The following EDN3 variants were observed in gnomAD, a reference collection of about 807,000 sequenced individuals.
EDN3 encodes endothelin 3, also known as endothelin-3.
In EDN3, 9 loss-of-function variants were observed where a neutral mutation model predicts 21.4. The ratio of observed to expected loss-of-function variants is 0.42; its 90% CI spans 0.25 to 0.73. The LOEUF (loss-of-function observed/expected upper bound fraction) is 0.73. Among genes scored for constraint, EDN3 ranks in the 30% least tolerant of loss-of-function variants. EDN3 has a pLI of 0.26. For missense variants in EDN3, 327 were observed against 309.4 expected (o/e 1.06, Z -0.43); for synonymous variants, 133 against 126.2 (o/e 1.05, Z -0.36).
rs568972376 is a variant in EDN3, at chr20:59,317,709, A to G, written c.366-3308A>G. Among the ~76,000 whole-genome samples the G allele has an allele frequency of 4.6e-5, 7 of 152,314 alleles. No individual in the cohort carries two copies. In the South Asian group the frequency reaches 1.5e-3, roughly 32 times the overall value. Reference sequence around the variant, plus strand: ...TGACACTTACATTGATACCACGTATATAGTGGATGCTGAAGAATGTTGGAG... The same window carrying G: ...TGACACTTACATTGATACCACGTATGTAGTGGATGCTGAAGAATGTTGGAG... On this transcript the variant is annotated intron_variant, in intron 2 of 4. Transcript: ENST00000337938.
At chr20:59,319,753 A>T (rs1480236220) in intron 2 of EDN3, among the ~76,000 whole-genome samples, 7 of 151,576 alleles carry the variant, frequency 4.6e-5, no homozygotes, top group Non-Finnish European at 5.9e-5. Flanking sequence ...GAAAAAAAAG[A>T]AAAAAAGAAA....
chr20:59,321,972 C>T (rs1228152144), intron 3 of EDN3, among the ~76,000 whole-genome samples: 2 of 152,154 alleles, frequency 1.3e-5, no homozygotes, highest in Admixed American at 1.3e-4. Flanking sequence ...GGCAGATTGG[C>T]CCTTTCAAAA....
chr20:59,323,587 G>T, intron 4 of EDN3: 1 of 399,480 alleles, frequency 2.5e-6, no homozygotes, highest in South Asian at 1.3e-4. Flanking sequence ...AAGAATAACA[G>T]AAAGACACGG....
At chr20:59,302,464 C>T (rs1346719007) in intron 2 of EDN3, among the ~76,000 whole-genome samples, 1 of 152,168 alleles carries the variant, frequency 6.6e-6, no homozygotes, top group African/African-American at 2.4e-5. Flanking sequence ...TCAGCCTTCT[C>T]CTGGGGCCAT....
Position 59,324,524 on chromosome 20 carries a change from T to G in EDN3, c.*65T>G, listed in dbSNP as rs555946641. On this transcript the variant is annotated 3_prime_UTR_variant, in exon 5 of 5. Transcript: ENST00000337938. Reference sequence around the variant, plus strand: ...GTCATTGCTCACACACAGTTCAGATTTCCACCTCTTTATAGACAAGAAGTG... The same window carrying G: ...GTCATTGCTCACACACAGTTCAGATGTCCACCTCTTTATAGACAAGAAGTG... 1.6e-5 allele frequency: 26 copies of G among 1,610,192 alleles called. No individual in the cohort carries two copies. Among genetic ancestry groups the G allele is most frequent in the Non-Finnish European group, 2.2e-5 (26 of 1,177,330 alleles).
rs1169227855 is a variant in EDN3, at chr20:59,325,990, T to G, written c.*1531T>G. The G allele has an allele frequency of 6.6e-6, 1 of 152,220 alleles. No individual in the cohort carries two copies. Among genetic ancestry groups the G allele is most frequent in the Non-Finnish European group, 1.5e-5 (1 of 68,042 alleles). 9.4% of individuals were successfully genotyped at this position (152,220 alleles called of 1,614,324 possible). ...CTAATAAAAAACCTAAAGTTTGCTCTGATTTGTGGGTTTTTTTCCTCACTG... is the reference window on the plus strand; with the variant it reads ...CTAATAAAAAACCTAAAGTTTGCTCGGATTTGTGGGTTTTTTTCCTCACTG... On this transcript the variant is annotated 3_prime_UTR_variant, in exon 5 of 5. Coordinates refer to ENST00000337938, the MANE Select transcript of EDN3 (RefSeq NM_207034.3).
At chr20:59,306,595 T>TAAAAAA (rs57144708) in intron 2 of EDN3, among the ~76,000 whole-genome samples, 24 of 62,448 alleles carry the variant, frequency 3.8e-4, no homozygotes, top group African/African-American at 1.2e-3. Context: ...GCATAAAGAG[T>TAAAAAA]AAAAAAAAAA....
chr20:59,320,283 G>A (rs1014435000), intron 2 of EDN3, among the ~76,000 whole-genome samples: 2 of 152,218 alleles, frequency 1.3e-5, no homozygotes, highest in Non-Finnish European at 2.9e-5. Context: ...TTCAAAGGCC[G>A]GGATGCATCT....
intron 2 of EDN3, among the ~76,000 whole-genome samples, chr20:59,314,176 G>A (rs1990027780): frequency 6.6e-6 from 1 of 152,166 alleles, no homozygotes; most frequent in South Asian, 2.1e-4. Context: ...GCACACACTT[G>A]GGGGAAAGGA....
At chr20:59,301,301 C>T in intron 1 of EDN3, 109 bp from the exon 2 acceptor site, 1 of 1,336,604 alleles carries the variant, frequency 7.5e-7, no homozygotes, top group South Asian at 1.2e-5. Flanking sequence ...GCTTTGGAAA[C>T]TTTGCAGACA....
Position 59,301,416 on chromosome 20 carries a change from T to C in EDN3, c.59T>C (p.Val20Ala). The change falls in exon 2 of 5, where the codon GTG becomes GCG. Residue 20 changes from valine (V) to alanine (A), a missense_variant. Physicochemically the swap from Val to Ala is moderately conservative, Grantham distance 64 (BLOSUM62 0). Coordinates refer to ENST00000337938, the MANE Select transcript of EDN3 (RefSeq NM_207034.3). ...GLTVTSAAGF[V>A]PCSQSGDAGR... ...CTCAATCTGCCTTCTGCAGGATTCG[T>C]GCCTTGCTCCCAGTCTGGGGATGCT... is the stretch of plus-strand genomic sequence containing the variant. The C allele has an allele frequency of 6.2e-7, 1 of 1,610,664 alleles. No homozygotes were observed. Among genetic ancestry groups the C allele is most frequent in the Non-Finnish European group, 8.5e-7 (1 of 1,180,016 alleles).
At chr20:59,302,084 G>A (rs1442792253) in intron 2 of EDN3, among the ~76,000 whole-genome samples, 1 of 152,190 alleles carries the variant, frequency 6.6e-6, no homozygotes, top group Admixed American at 6.5e-5. Context: ...TCATTCCCCA[G>A]GGGCCAAGGG....
chr20:59,303,702 G>A (rs1203976378), intron 2 of EDN3, among the ~76,000 whole-genome samples: 1 of 152,158 alleles, frequency 6.6e-6, no homozygotes, highest in African/African-American at 2.4e-5. Context: ...TTAAAATTCT[G>A]TCTCATGCAT....
Position 59,319,426 on chromosome 20 carries a change from C to T in EDN3, c.366-1591C>T, listed in dbSNP as rs1023370735. 3.9e-5 allele frequency among the ~76,000 whole-genome samples: 6 copies of T among 151,936 alleles called. No homozygotes were observed. The East Asian group carries it at 5.8e-4, about 15-fold the overall frequency. The stretch of plus-strand genomic sequence containing the variant: ...ATTTGATTTTATTTTGAAAATGCAG[C>T]GAGGGGCTGGGCATGGTGGCTCACA... On this transcript the variant is annotated intron_variant, in intron 2 of 4. Transcript: ENST00000337938.
chr20:59,309,106 T>C (rs1305932999), intron 2 of EDN3, among the ~76,000 whole-genome samples: 1 of 152,212 alleles, frequency 6.6e-6, no homozygotes, highest in Non-Finnish European at 1.5e-5. Context: ...TTTCTATTGC[T>C]TCCCTCTCCC....
Position 59,322,321 on chromosome 20 carries a change from A to G in EDN3, c.543-51A>G. 1.2e-6 allele frequency: 2 copies of G among 1,607,932 alleles called. No homozygotes were observed. The highest frequency in any genetic ancestry group is 1.7e-6 in the Non-Finnish European group (2 of 1,174,334). On this transcript the variant is annotated intron_variant, in intron 3 of 4. Coordinates refer to ENST00000337938, the MANE Select transcript of EDN3 (RefSeq NM_207034.3). This position sits in a 1 kb window ranked among gnomAD's most constrained non-coding sequence, Gnocchi z 4.1. The stretch of plus-strand genomic sequence containing the variant: ...AGTCATAATTTGACACCGAAAAACC[A>G]GCCACAGGGAAAGGCAGGTTGATTG...
At chr20:59,323,368 C>T (rs562926057) in intron 4 of EDN3, among the ~76,000 whole-genome samples, 20 of 152,252 alleles carry the variant, frequency 1.3e-4, no homozygotes, top group Middle Eastern at 3.4e-3. Flanking sequence ...TCAGCGAGGG[C>T]GGGATGTAAT....
intron 2 of EDN3, among the ~76,000 whole-genome samples, chr20:59,304,337 A>G (rs1989248407): frequency 6.6e-6 from 1 of 152,178 alleles, no homozygotes; most frequent in Non-Finnish European, 1.5e-5. Context: ...TCCCCATTAG[A>G]TCACAACCCC....
intron 2 of EDN3, among the ~76,000 whole-genome samples, chr20:59,302,291 C>A (rs1481809036): frequency 6.6e-6 from 1 of 152,184 alleles, no homozygotes; most frequent in African/African-American, 2.4e-5. Context: ...AGGGTGAATT[C>A]ACATCAGCTC....
Sources: gnomAD v4.1 joint callset for allele counts (sites outside exome capture counted in the v4.1 genomes callset) on GRCh38, gnomAD v4.1.1 for gene constraint, Gnocchi (gnomAD v3.1) non-coding constraint, MANE v1.5 for transcripts, NCBI Gene and HGNC (gene_info 2026-07-23, HGNC 2026-07-21) for gene names.